The following VWA8 variants were observed in gnomAD, a reference collection of about 807,000 sequenced individuals.
VWA8 encodes von Willebrand factor A domain containing 8, also known as von Willebrand factor A domain-containing protein 8.
VWA8 carries 221 observed loss-of-function variants against 241.5 expected under a neutral mutation model. The observed-to-expected ratio is 0.91, with a 90% CI of 0.82 to 1.02. The LOEUF is 1.02. Ranked by LOEUF, VWA8 falls within the 50% of genes least tolerant of loss-of-function variation. The probability of loss-of-function intolerance (pLI) is 0.00; values close to 1 mark genes in which losing one functional copy is unlikely to be tolerated. For synonymous variants in VWA8, 852 were observed against 827.1 expected (o/e 1.03, Z -0.52); for missense variants, 2,322 against 2,328.7 (o/e 1.00, Z 0.06).
intron 21 of VWA8, among the ~76,000 whole-genome samples, chr13:41,749,742 A>G (rs1463317927): frequency 6.6e-6 from 1 of 152,146 alleles, no homozygotes; most frequent in African/African-American, 2.4e-5. Flanking sequence ...ATTCTCAGCA[A>G]ACTATCGCAA....
chr13:41,757,977 G>T (rs189172114), intron 21 of VWA8, among the ~76,000 whole-genome samples: 1 of 151,646 alleles, frequency 6.6e-6, no homozygotes, highest in African/African-American at 2.4e-5. Flanking sequence ...CAGAAATGAC[G>T]GTAGCAGAAA....
At chr13:41,780,456 A>G (rs1048219588) in intron 19 of VWA8, among the ~76,000 whole-genome samples, 13 of 152,194 alleles carry the variant, frequency 8.5e-5, no homozygotes, top group African/African-American at 3.1e-4. Flanking sequence ...ACCATTTTCT[A>G]CCAGCTGACC....
chr13:41,621,235 A>G (rs1166018739), intron 37 of VWA8, among the ~76,000 whole-genome samples: 4 of 152,202 alleles, frequency 2.6e-5, no homozygotes, highest in Admixed American at 2.6e-4. Flanking sequence ...GCTTCATGTT[A>G]TATGATTTTG....
intron 14 of VWA8, among the ~76,000 whole-genome samples, chr13:41,821,629 CA>C (rs1378527622): frequency 4.6e-5 from 7 of 151,600 alleles, no homozygotes; most frequent in African/African-American, 1.7e-4. Flanking sequence ...AAAATTTTAG[CA>C]ACAAGAAAAA....
chr13:41,929,296 C>T (rs1379097487), intron 2 of VWA8, among the ~76,000 whole-genome samples: 3 of 151,884 alleles, frequency 2.0e-5, no homozygotes, highest in African/African-American at 4.8e-5. Context: ...GCTGGGGCTA[C>T]AGGTGTGTGC....
chr13:41,800,729 C>CT (rs1338001402), intron 17 of VWA8, among the ~76,000 whole-genome samples: 1 of 145,676 alleles, frequency 6.9e-6, no homozygotes, highest in Non-Finnish European at 1.5e-5. Flanking sequence ...GGAGGCAGAG[C>CT]TTGTAGTGAG....
chr13:41,888,191 A>G (rs1874639920), intron 5 of VWA8, among the ~76,000 whole-genome samples: 1 of 152,186 alleles, frequency 6.6e-6, no homozygotes, highest in Non-Finnish European at 1.5e-5. Flanking sequence ...GCACCTGTTA[A>G]ATCTCATTTC....
At chr13:41,938,686 G>C (rs1018934204) in intron 2 of VWA8, among the ~76,000 whole-genome samples, 1 of 151,694 alleles carries the variant, frequency 6.6e-6, no homozygotes, top group Non-Finnish European at 1.5e-5. Flanking sequence ...AAATCTCAAA[G>C]AAAATTCTTT....
chr13:41,718,066 T>C (rs564699549), intron 26 of VWA8, among the ~76,000 whole-genome samples: 7 of 152,044 alleles, frequency 4.6e-5, no homozygotes, highest in Non-Finnish European at 1.0e-4. Flanking sequence ...AAGTAAAAAT[T>C]TTATCATGAT....
At chr13:41,644,595 G>C (rs1386314267) in intron 37 of VWA8, among the ~76,000 whole-genome samples, 1 of 152,218 alleles carries the variant, frequency 6.6e-6, no homozygotes, top group Non-Finnish European at 1.5e-5. Context: ...GTGTGAGTGA[G>C]TGCAGGTGTG....
At chr13:41,662,015 A>C (rs1593681755) in intron 37 of VWA8, among the ~76,000 whole-genome samples, 1 of 152,278 alleles carries the variant, frequency 6.6e-6, no homozygotes, top group Non-Finnish European at 1.5e-5. Flanking sequence ...TTTTTTGCGA[A>C]CATTGCACTG....
chr13:41,853,332 A>C (rs1038701362), intron 12 of VWA8, among the ~76,000 whole-genome samples: 3 of 151,842 alleles, frequency 2.0e-5, no homozygotes, highest in East Asian at 1.9e-4. Context: ...TTGGTCTGTA[A>C]TTTTCTTTTC....
intron 37 of VWA8, among the ~76,000 whole-genome samples, chr13:41,617,150 G>A (rs2139664561): frequency 6.6e-6 from 1 of 150,736 alleles, no homozygotes; most frequent in South Asian, 2.1e-4. Flanking sequence ...ATGAAGTCTT[G>A]CTCTGTCACA....
At chr13:41,711,799 G>A (rs535822859) in intron 26 of VWA8, among the ~76,000 whole-genome samples, 1 of 152,038 alleles carries the variant, frequency 6.6e-6, no homozygotes, top group South Asian at 2.1e-4. Context: ...GTGTGAACCT[G>A]GGAGGCGGAG....
At position 41,770,458 on chromosome 13, in the gene VWA8, G is replaced by T. The variant is rs368363291; in HGVS notation, c.2349+7527C>A. On this transcript the variant is annotated intron_variant, in intron 20 of 44. Transcript: ENST00000379310. ...TCCGTTTCAAAAAAAAAAAAAAAAA[G>T]AAAAGAAACTGTAGTTTGAAAGAAC... 2.7e-4 allele frequency among the ~76,000 whole-genome samples: 36 copies of T among 132,020 alleles called. No individual in the cohort carries two copies. In the East Asian group the frequency reaches 7.1e-3, roughly 26 times the overall value. The allele number at this position is 132,020 out of a possible 152,430, so 86.6% of individuals were successfully genotyped here.
intron 37 of VWA8, among the ~76,000 whole-genome samples, chr13:41,622,549 C>T (rs570249376): frequency 3.3e-5 from 5 of 152,272 alleles, no homozygotes; most frequent in Admixed American, 2.6e-4. Flanking sequence ...TGATGCAACC[C>T]GATGCTGAGC....
Position 41,611,709 on chromosome 13 carries a change from C to G in VWA8, c.4744G>C (p.Gly1582Arg). 1 of 1,614,024 alleles carries G rather than the reference C, an allele frequency of 6.2e-7. No homozygotes were observed. Among genetic ancestry groups the G allele is most frequent in the Non-Finnish European group, 8.5e-7 (1 of 1,179,930 alleles). ...GTGGRDTAGL[G>R]GKGGPYRLDA... ...AGCCGGTAAGGGCCTCCTTTGCCAC[C>G]CAGGCCTGCCGTGTCTCTTCCCCCT... The change falls in exon 39 of 45, where the codon GGT (glycine) becomes CGT (arginine). Residue 1582 changes from glycine to arginine, a missense_variant. Gly to Arg is a moderately radical substitution (Grantham distance 125, BLOSUM62 -2). Coordinates refer to ENST00000379310, the MANE Select transcript of VWA8 (RefSeq NM_015058.2).
intron 26 of VWA8, among the ~76,000 whole-genome samples, chr13:41,717,135 T>C (rs1367533879): frequency 6.6e-6 from 1 of 151,978 alleles, no homozygotes. Context: ...GATAATTGCA[T>C]ATTCTGGCCT....
At chr13:41,614,814 G>T (rs540494531) in intron 38 of VWA8, among the ~76,000 whole-genome samples, 162 bp downstream of exon 38, 147 of 152,272 alleles carry the variant, frequency 9.7e-4, no homozygotes, top group Non-Finnish European at 9.1e-4. Context: ...CACATGCCTT[G>T]ATGTCACGCT....
Sources: gnomAD v4.1 joint callset for allele counts (sites outside exome capture counted in the v4.1 genomes callset) on GRCh38, gnomAD v4.1.1 for gene constraint, MANE v1.5 for transcripts, NCBI Gene and HGNC (gene_info 2026-07-23, HGNC 2026-07-21) for gene names.